Variants in TAFA2 observed in about 807,000 individuals in gnomAD.
The protein encoded by TAFA2 is chemokine-like protein TAFA-2.
TAFA2 carries 7 observed loss-of-function variants against 18.8 expected under a neutral mutation model. The observed-to-expected ratio is 0.37, with a 90% CI of 0.21 to 0.70. The LOEUF (loss-of-function observed/expected upper bound fraction) is 0.70, where lower values mean the gene tolerates loss of function less well. Ranked by LOEUF, TAFA2 falls within the 30% of genes least tolerant of loss-of-function variation. TAFA2 has a pLI of 0.53. For synonymous variants in TAFA2, 60 were observed against 54.2 expected, an observed-to-expected ratio of 1.11 and a Z score of -0.47; for missense variants, 122 against 158.1, an observed-to-expected ratio of 0.77 and a Z score of 1.23.
intron 1 of TAFA2, among the ~76,000 whole-genome samples, chr12:62,223,510 C>T (rs994410580): frequency 7.2e-5 from 11 of 151,934 alleles, no homozygotes; most frequent in African/African-American, 1.7e-4. Context: ...ATAAATGATG[C>T]TGAAAAAAAC....
chr12:61,808,456 T>C (rs891813256), intron 2 of TAFA2, among the ~76,000 whole-genome samples: 1 of 151,470 alleles, frequency 6.6e-6, no homozygotes, highest in East Asian at 1.9e-4. Context: ...ATTGTACATG[T>C]GTGTATGTGG....
At chr12:61,720,983 A>G (rs1869870011) in intron 4 of TAFA2, 1 of 509,448 alleles carries the variant, frequency 2.0e-6, no homozygotes, top group Non-Finnish European at 3.9e-6. Flanking sequence ...CAGAAAGCAA[A>G]CCTGGGAGAA....
Position 61,753,534 on chromosome 12 carries a change from C to T in TAFA2, c.384+88G>A, listed in dbSNP as rs982673707. On this transcript the variant is annotated intron_variant, in intron 4 of 4. Transcript: ENST00000416284. ...TGCAAAACTATACTCTTCCATTCCA[C>T]AATTGCCACTTAAATTGGTTACTGC... 25 of 1,235,134 alleles carry T rather than the reference C, an allele frequency of 2.0e-5. No homozygotes were observed. The African/African-American group carries it at 3.5e-4, about 17-fold the overall frequency. 76.5% of individuals were successfully genotyped at this position (1,235,134 alleles called of 1,614,324 possible).
At chr12:62,078,202 T>C (rs868668377) in intron 1 of TAFA2, among the ~76,000 whole-genome samples, 85 of 152,248 alleles carry the variant, frequency 5.6e-4, no homozygotes, top group African/African-American at 1.9e-3. Context: ...AGCAGAAAGC[T>C]GCCCCCTCCT....
intron 1 of TAFA2, among the ~76,000 whole-genome samples, chr12:62,207,995 C>T (rs2136971418): frequency 6.6e-6 from 1 of 152,248 alleles, no homozygotes; most frequent in Non-Finnish European, 1.5e-5. Context: ...CTGAGGTCTG[C>T]CACAAGGAGG....
At chr12:61,821,097 C>T (rs917766523) in intron 2 of TAFA2, among the ~76,000 whole-genome samples, 11 of 148,900 alleles carry the variant, frequency 7.4e-5, no homozygotes, top group African/African-American at 2.5e-4. Context: ...AAACTACCTA[C>T]CTATAGTGTT....
intron 1 of TAFA2, among the ~76,000 whole-genome samples, chr12:61,988,329 T>G (rs1248276386): frequency 1.3e-5 from 2 of 152,136 alleles, no homozygotes; most frequent in East Asian, 3.9e-4. Context: ...CCCCAAGATT[T>G]GGAATCTAGA....
At chr12:61,766,907 T>A (rs572734921) in intron 2 of TAFA2, among the ~76,000 whole-genome samples, 2 of 152,242 alleles carry the variant, frequency 1.3e-5, no homozygotes, top group East Asian at 3.9e-4. Flanking sequence ...AGTACAGTTT[T>A]AGGAGAGATA....
At chr12:61,788,901 G>GT (rs1267801596) in intron 2 of TAFA2, among the ~76,000 whole-genome samples, 11 of 151,694 alleles carry the variant, frequency 7.3e-5, no homozygotes, top group Admixed American at 2.0e-4. Context: ...AGTACTAAAA[G>GT]TTTTTTTCTA....
chr12:62,254,768 C>T (rs904581842), intron 1 of TAFA2, among the ~76,000 whole-genome samples: 1 of 152,146 alleles, frequency 6.6e-6, no homozygotes, highest in African/African-American at 2.4e-5. Flanking sequence ...TAAAGAATAC[C>T]TATTTAATGT....
At chr12:62,190,494 T>A (rs2062616023) in intron 1 of TAFA2, among the ~76,000 whole-genome samples, 1 of 152,140 alleles carries the variant, frequency 6.6e-6, no homozygotes, top group Non-Finnish European at 1.5e-5. Context: ...CCGGGAGACA[T>A]CTAACCGGAA....
intron 1 of TAFA2, among the ~76,000 whole-genome samples, chr12:62,181,117 C>T (rs925663291): frequency 2.0e-5 from 3 of 152,160 alleles, no homozygotes; most frequent in Admixed American, 1.3e-4. Flanking sequence ...TTTGTTAATT[C>T]GGGTGTAGGT....
chr12:62,091,457 A>T (rs1466493594), intron 1 of TAFA2, among the ~76,000 whole-genome samples: 3 of 151,970 alleles, frequency 2.0e-5, no homozygotes, highest in Non-Finnish European at 2.9e-5. Context: ...TCACTATGTA[A>T]CATATCTCTA....
intron 2 of TAFA2, among the ~76,000 whole-genome samples, chr12:61,789,583 C>T: frequency 6.6e-6 from 1 of 151,742 alleles, no homozygotes; most frequent in Non-Finnish European, 1.5e-5. Flanking sequence ...GGAGAAATAC[C>T]TAATGTAGAT....
intron 1 of TAFA2, among the ~76,000 whole-genome samples, chr12:61,996,716 T>TGGC (rs1880201598): frequency 6.6e-6 from 1 of 152,146 alleles, no homozygotes; most frequent in Non-Finnish European, 1.5e-5. Flanking sequence ...TCCACTTATG[T>TGGC]ACCCTGGCAT....
At chr12:62,072,681 G>A (rs1214702728) in intron 1 of TAFA2, among the ~76,000 whole-genome samples, 1 of 152,096 alleles carries the variant, frequency 6.6e-6, no homozygotes, top group Non-Finnish European at 1.5e-5. Flanking sequence ...AGCTACTTGG[G>A]AGGCTGAGGT....
intron 1 of TAFA2, among the ~76,000 whole-genome samples, chr12:61,987,232 GC>G (rs2136683928): frequency 6.6e-6 from 1 of 152,266 alleles, no homozygotes; most frequent in South Asian, 2.1e-4. Context: ...ATCATAATGT[GC>G]TTCCTTGCAG....
intron 2 of TAFA2, among the ~76,000 whole-genome samples, chr12:61,854,312 A>G (rs1873798444): frequency 6.6e-6 from 1 of 152,144 alleles, no homozygotes. Flanking sequence ...TCCCCCCAAA[A>G]AATTATAGCA....
chr12:62,250,732 T>C (rs1252490703), intron 1 of TAFA2, among the ~76,000 whole-genome samples: 1 of 152,176 alleles, frequency 6.6e-6, no homozygotes. Flanking sequence ...GGCAAAGCAG[T>C]ATATTAGAGA....
Sources: gnomAD v4.1 joint callset for allele counts (sites outside exome capture counted in the v4.1 genomes callset) on GRCh38, gnomAD v4.1.1 for gene constraint, MANE v1.5 for transcripts, NCBI Gene and HGNC (gene_info 2026-07-23, HGNC 2026-07-21) for gene names.